The following FAM13B variants were observed in gnomAD, a reference collection of about 807,000 sequenced individuals.
FAM13B encodes family with sequence similarity 13 member B, also known as protein FAM13B.
A neutral mutation model predicts 117.3 loss-of-function variants in FAM13B; 60 were observed. The ratio of observed to expected loss-of-function variants is 0.51; its 90% CI spans 0.42 to 0.63. FAM13B has a LOEUF of 0.63. Among genes scored for constraint, FAM13B ranks in the 30% least tolerant of loss-of-function variants. The probability of loss-of-function intolerance (pLI) is 0.00; values close to 1 mark genes in which losing one functional copy is unlikely to be tolerated. For missense variants in FAM13B, 972 were observed against 1,091.9 expected, an observed-to-expected ratio of 0.89 and a Z score of 1.55; for synonymous variants, 332 against 356.1, an observed-to-expected ratio of 0.93 and a Z score of 0.76.
intron 10 of FAM13B, among the ~76,000 whole-genome samples, chr5:137,965,102 C>G (rs10051424): frequency 0.74 from 112,472 of 152,062 alleles, 42,245 homozygotes; most frequent in East Asian, 0.97. Context: ...TGGGGAGGAG[C>G]AGATTGCGGT....
rs548409770 is a variant in FAM13B at position 137,949,540 on chromosome 5, G to A, written c.1931-356C>T. Among the ~76,000 whole-genome samples the A allele has an allele frequency of 6.2e-4, 95 of 152,292 alleles. 1 individual carries two copies. The highest frequency in any genetic ancestry group is 5.3e-4 in the Non-Finnish European group (36 of 68,022). On this transcript the variant is annotated intron_variant, in intron 17 of 23. Coordinates refer to ENST00000689681, the MANE Select transcript of FAM13B (RefSeq NM_001385994.1). ...CACGCCTATAATCACAGCACTTTGG[G>A]ATGCCAAGGTGGGTGGATCACTTGA... is the stretch of plus-strand genomic sequence containing the variant.
At chr5:138,033,777 G>T (rs761110167), upstream of FAM13B, 4 of 152,226 alleles carry the variant, frequency 2.6e-5, no homozygotes, top group Non-Finnish European at 4.4e-5. Flanking sequence ...ACTCACAAGG[G>T]TATGAATATT....
chr5:137,947,650 T>C (rs182502975), intron 18 of FAM13B, among the ~76,000 whole-genome samples: 2 of 152,184 alleles, frequency 1.3e-5, no homozygotes, highest in Admixed American at 6.5e-5. Flanking sequence ...GGTGCAATCC[T>C]GGCTCACCGC....
At chr5:137,967,485 T>C (rs768923489) in intron 10 of FAM13B, among the ~76,000 whole-genome samples, 1 of 152,092 alleles carries the variant, frequency 6.6e-6, no homozygotes, top group Non-Finnish European at 1.5e-5. Flanking sequence ...ATCGCACCAC[T>C]GCACTTCAAC....
intron 7 of FAM13B, among the ~76,000 whole-genome samples, chr5:137,992,390 T>C (rs1778826425): frequency 6.7e-6 from 1 of 149,544 alleles, no homozygotes; most frequent in Admixed American, 6.7e-5. Flanking sequence ...GGTCGGGAGT[T>C]AGAGGCCAGC....
intron 1 of FAM13B, among the ~76,000 whole-genome samples, chr5:138,040,734 C>A (rs1042880480): frequency 5.3e-5 from 8 of 151,812 alleles, no homozygotes; most frequent in African/African-American, 1.9e-4. Context: ...AAATTTAGTA[C>A]CCAGAGAGAA....
chr5:137,946,360 A>C, intron 18 of FAM13B, 49 bp from the exon 19 acceptor site: 1 of 1,269,792 alleles, frequency 7.9e-7, no homozygotes. Flanking sequence ...AAAAAACAAA[A>C]ACAAAAAAAC....
intron 20 of FAM13B, 39 bp from the exon 21 acceptor site, chr5:137,943,255 G>A: frequency 2.0e-6 from 3 of 1,502,446 alleles, no homozygotes; most frequent in Non-Finnish European, 1.8e-6. Flanking sequence ...TACATTTTAA[G>A]TATTCAAAGT....
At chr5:138,046,960 G>T (rs2151131449) in intron 1 of FAM13B, among the ~76,000 whole-genome samples, 1 of 151,882 alleles carries the variant, frequency 6.6e-6, no homozygotes, top group African/African-American at 2.4e-5. Flanking sequence ...TGGCCAGGCT[G>T]GTCTTGAACT....
intron 20 of FAM13B, among the ~76,000 whole-genome samples, chr5:137,944,419 T>C (rs962644418): frequency 1.3e-5 from 2 of 152,052 alleles, no homozygotes; most frequent in Non-Finnish European, 2.9e-5. Context: ...CAACAGTGGA[T>C]TGGATAAAGA....
At chr5:138,011,264 C>A in intron 5 of FAM13B, 115 bp from the exon 6 acceptor site, 1 of 939,492 alleles carries the variant, frequency 1.1e-6, no homozygotes, top group South Asian at 1.6e-5. Flanking sequence ...CCATTCTGTG[C>A]TTCCATTCTC....
intron 23 of FAM13B, among the ~76,000 whole-genome samples, chr5:137,941,558 A>G (rs1761846638): frequency 6.6e-6 from 1 of 152,194 alleles, no homozygotes; most frequent in Non-Finnish European, 1.5e-5. Context: ...GTATGAACAC[A>G]ATGGTCTCAG....
At chr5:137,969,147 T>G (rs1252024423) in intron 10 of FAM13B, among the ~76,000 whole-genome samples, 1 of 152,222 alleles carries the variant, frequency 6.6e-6, no homozygotes, top group Non-Finnish European at 1.5e-5. Context: ...AGGCTCCACC[T>G]CTGGGGGGCA....
At chr5:137,960,124 T>G (rs773235015) in intron 12 of FAM13B, 42 bp downstream of exon 12, 11 of 1,221,074 alleles carry the variant, frequency 9.0e-6, no homozygotes, top group Middle Eastern at 1.9e-4. Context: ...AGTTTAAACC[T>G]AGGCAAGTTT....
chr5:137,983,855 T>G (rs1326875538), intron 10 of FAM13B, among the ~76,000 whole-genome samples: 1 of 152,190 alleles, frequency 6.6e-6, no homozygotes, highest in South Asian at 2.1e-4. Flanking sequence ...ACACTGATAC[T>G]GAACAAAGGC....
At chr5:137,979,999 T>TAAAA (rs10709915) in intron 10 of FAM13B, among the ~76,000 whole-genome samples, 5 of 95,562 alleles carry the variant, frequency 5.2e-5, no homozygotes, top group Non-Finnish European at 1.1e-4. Context: ...CTGTCTCTAC[T>TAAAA]AAAAAAAAAA....
intron 7 of FAM13B, among the ~76,000 whole-genome samples, chr5:137,994,913 ATTATT>A (rs1358259968): frequency 3.9e-5 from 6 of 152,240 alleles, no homozygotes; most frequent in African/African-American, 9.6e-5. Context: ...AGAAACTACT[ATTATT>A]TTAATTTCCC....
In FAM13B at chr5:137,942,992, A is replaced by G. The variant is rs984277047; in HGVS notation, c.2471T>C (p.Met824Thr). The G allele has an allele frequency of 4.3e-6, 7 of 1,613,504 alleles. No individual in the cohort carries two copies. The highest frequency in any genetic ancestry group is 2.7e-5 in the African/African-American group (2 of 74,972). ...GVNLSSELGD[M>T]LKTAVQVQSS... is the part of the protein sequence containing the mutation. ...CTGTACCTGTACTGCAGTTTTCAAC[A>G]TATCACCTAACTCAGAGGACAGATT... Residue 824 changes from methionine (M) to threonine (T), a missense_variant, in exon 22 of 24, where the codon ATG (methionine) becomes ACG (threonine). Physicochemically the swap from Met to Thr is moderately conservative, Grantham distance 81. Coordinates refer to ENST00000689681, the MANE Select transcript of FAM13B (RefSeq NM_001385994.1).
intron 1 of FAM13B, among the ~76,000 whole-genome samples, chr5:138,041,063 C>CAAA (rs5871662): frequency 1.4e-5 from 1 of 70,436 alleles, no homozygotes; most frequent in African/African-American, 5.8e-5. Context: ...GACTCCATCT[C>CAAA]AAAAAAAAAA....
Sources: gnomAD v4.1 joint callset for allele counts (sites outside exome capture counted in the v4.1 genomes callset) on GRCh38, gnomAD v4.1.1 for gene constraint, MANE v1.5 for transcripts, NCBI Gene and HGNC (gene_info 2026-07-23, HGNC 2026-07-21) for gene names.